Variants in ELF5 observed in about 807,000 individuals in gnomAD.
ELF5 encodes ETS-related transcription factor Elf-5.
ELF5 carries 31 observed loss-of-function variants against 38.2 expected under a neutral mutation model. That is an observed-to-expected ratio of 0.81 (90% CI 0.61 to 1.10). ELF5 has a LOEUF of 1.10. Among genes scored for constraint, ELF5 ranks in the 50% least tolerant of loss-of-function variants. The pLI is 0.00. For missense variants in ELF5, 300 were observed against 306.6 expected (o/e 0.98, Z 0.16); for synonymous variants, 121 against 112.5 (o/e 1.08, Z -0.48).
chr11:34,501,638 G>C (rs1175409031), intron 2 of ELF5, among the ~76,000 whole-genome samples: 1 of 152,022 alleles, frequency 6.6e-6, no homozygotes, highest in East Asian at 1.9e-4. Context: ...TCTTTACTTT[G>C]AAAAAGCCAC....
At chr11:34,482,001 AT>A (rs1387483848) in intron 5 of ELF5, among the ~76,000 whole-genome samples, 1 of 152,160 alleles carries the variant, frequency 6.6e-6, no homozygotes, top group Admixed American at 6.5e-5. Context: ...AGCTAATAGG[AT>A]TGCCAATTCC....
chr11:34,512,031 T>C (rs893315914), intron 1 of ELF5, among the ~76,000 whole-genome samples: 5 of 152,160 alleles, frequency 3.3e-5, no homozygotes, highest in Admixed American at 3.3e-4. Flanking sequence ...GGGAAGAAAA[T>C]CGGTTTTCCT....
chr11:34,495,407 G>GTGC (rs1019839459), intron 2 of ELF5, among the ~76,000 whole-genome samples: 2 of 152,244 alleles, frequency 1.3e-5, no homozygotes, highest in Admixed American at 6.5e-5. Flanking sequence ...TGCCTGTCAG[G>GTGC]TGCTACTACT....
At position 34,479,376 on chromosome 11, in the gene ELF5, T is replaced by G. The variant is rs2133865888; in HGVS notation, c.*842A>C. Reference sequence around the variant, plus strand: ...TGCATATCAGATGCCAGCCATCAGTTAGAAGGGGGAATAAACTCAGCAACA... The same window carrying G: ...TGCATATCAGATGCCAGCCATCAGTGAGAAGGGGGAATAAACTCAGCAACA... On this transcript the variant is annotated 3_prime_UTR_variant, in exon 7 of 7. Transcript: ENST00000257832. 1 of 152,334 alleles carries G rather than the reference T, an allele frequency of 6.6e-6. No homozygotes were observed. The highest frequency in any genetic ancestry group is 2.4e-5 in the African/African-American group (1 of 41,576). 9.4% of individuals were successfully genotyped at this position (152,334 alleles called of 1,614,324 possible).
chr11:34,481,011 AAATT>A (rs747114471), intron 5 of ELF5, 44 bp from the exon 6 acceptor site: 55 of 1,355,110 alleles, frequency 4.1e-5, no homozygotes, highest in African/African-American at 2.4e-4. Flanking sequence ...ATTGTTTTTT[AAATT>A]AATTAATTAA....
intron 2 of ELF5, among the ~76,000 whole-genome samples, chr11:34,501,026 C>G (rs1388681764): frequency 6.6e-6 from 1 of 152,154 alleles, no homozygotes; most frequent in Admixed American, 6.5e-5. Flanking sequence ...GCTATGAAGT[C>G]CTCTGTCATG....
Position 34,493,786 on chromosome 11 carries a change from CA to C in ELF5, c.122-75del, listed in dbSNP as rs1232045825. ...TCGAGAGGGCCCCTGAAGGATGCAT[CA>C]GTTAAGTAACATCCTCATTCCTCAG... is the stretch of plus-strand genomic sequence containing the variant. On this transcript the variant is annotated intron_variant, in intron 2 of 6. Transcript: ENST00000257832. The C allele has an allele frequency of 1.9e-5, 25 of 1,308,912 alleles. 1 individual carries two copies. The African/African-American group carries it at 3.6e-4, about 19-fold the overall frequency. 81.1% of individuals were successfully genotyped at this position (1,308,912 alleles called of 1,614,324 possible).
chr11:34,502,156 C>T (rs1443418138), intron 2 of ELF5, among the ~76,000 whole-genome samples: 2 of 152,214 alleles, frequency 1.3e-5, no homozygotes, highest in Non-Finnish European at 2.9e-5. Flanking sequence ...CATTCAATCT[C>T]CCCAACTCCA....
chr11:34,479,482 C>T lies in ELF5; in HGVS notation c.*736G>A, dbSNP rs1856875317. On this transcript the variant is annotated 3_prime_UTR_variant, in exon 7 of 7. Coordinates refer to ENST00000257832, the MANE Select transcript of ELF5 (RefSeq NM_001422.4). Reference sequence around the variant, plus strand: ...TTTGCTGAGTGGTCAAAAAGATGCTCTGGTTAGGAAACTTTCTGTGAACCT... The same window carrying T: ...TTTGCTGAGTGGTCAAAAAGATGCTTTGGTTAGGAAACTTTCTGTGAACCT... 6.6e-6 allele frequency: 1 copy of T among 152,222 alleles called. No homozygotes were observed. Among genetic ancestry groups the T allele is most frequent in the Admixed American group, 6.5e-5 (1 of 15,280 alleles). 9.4% of individuals were successfully genotyped at this position (152,222 alleles called of 1,614,324 possible). A position where few individuals can be genotyped will look rare whatever the true frequency, so the allele number is the denominator to read the frequency against.
chr11:34,511,518 C>A (rs1373654888), intron 1 of ELF5: 2 of 1,614,074 alleles, frequency 1.2e-6, no homozygotes, highest in East Asian at 4.5e-5. Context: ...GCTCACTTCA[C>A]ACATGAGAAA....
At chr11:34,510,624 C>T (rs983724974) in intron 1 of ELF5, among the ~76,000 whole-genome samples, 9 of 152,138 alleles carry the variant, frequency 5.9e-5, no homozygotes, top group Non-Finnish European at 1.2e-4. Flanking sequence ...TTAGGCCAGG[C>T]CTGCTCAAGG....
chr11:34,508,757 A>G (rs1272511582), intron 1 of ELF5, among the ~76,000 whole-genome samples: 1 of 152,132 alleles, frequency 6.6e-6, no homozygotes, highest in Non-Finnish European at 1.5e-5. Flanking sequence ...CGCCTCCACC[A>G]TTTTACAGTT....
At position 34,502,027 on chromosome 11, in the gene ELF5, T is replaced by G. The variant is rs183353862; in HGVS notation, c.121+3602A>C. Among the ~76,000 whole-genome samples, 58 of 152,178 alleles carry G rather than the reference T, an allele frequency of 3.8e-4. 1 individual carries two copies. The highest frequency in any genetic ancestry group is 1.4e-3 in the African/African-American group (57 of 41,492). On this transcript the variant is annotated intron_variant, in intron 2 of 6. Coordinates refer to ENST00000257832, the MANE Select transcript of ELF5 (RefSeq NM_001422.4). ...TGTTATTTTTGTTCAATATGGACAA[T>G]GAAGAGAGGAGAGGGAAGGCTGTTT...
intron 3 of ELF5, among the ~76,000 whole-genome samples, chr11:34,490,665 G>A (rs1480967902): frequency 6.6e-6 from 1 of 152,170 alleles, no homozygotes; most frequent in African/African-American, 2.4e-5. Context: ...TCTGTAGAAT[G>A]GGGTGGGCTG....
intron 1 of ELF5, chr11:34,511,721 G>T: frequency 1.1e-6 from 1 of 930,590 alleles, no homozygotes; most frequent in Non-Finnish European, 1.6e-6. Context: ...GCAATAACAG[G>T]TGTGGCTCCC....
intron 2 of ELF5, among the ~76,000 whole-genome samples, chr11:34,497,939 T>C (rs535812450): frequency 1.3e-5 from 2 of 152,358 alleles, no homozygotes; most frequent in Admixed American, 6.5e-5. Flanking sequence ...GATTCTTTTA[T>C]GGTTGAATAA....
rs115139163 is a variant in ELF5 at position 34,488,790 on chromosome 11, A to G, written c.406+1219T>C. On this transcript the variant is annotated intron_variant, in intron 4 of 6. Coordinates refer to ENST00000257832, the MANE Select transcript of ELF5 (RefSeq NM_001422.4). ...GGTTGGTCAGGTCTAGGTCACTACT[A>G]CTTAGAGAGTAAAGCAAATGCCTGC... Among the ~76,000 whole-genome samples, 776 of 152,316 alleles carry G rather than the reference A, an allele frequency of 5.1e-3. 7 individuals carry two copies. Among genetic ancestry groups the G allele is most frequent in the African/African-American group, 0.018 (739 of 41,566 alleles).
rs143807909 is a variant in ELF5 at position 34,482,997 on chromosome 11, A to G, written c.407-498T>C. On this transcript the variant is annotated intron_variant, in intron 4 of 6. Transcript: ENST00000257832. The stretch of plus-strand genomic sequence containing the variant: ...CCAGGACAAGCATTGCCAGAGTAGT[A>G]TATGAGTTTTTAAAATGGTGGCACC... Among the ~76,000 whole-genome samples, 157 of 152,158 alleles carry G rather than the reference A, an allele frequency of 1.0e-3. 1 individual carries two copies. The highest frequency in any genetic ancestry group is 4.9e-3 in the Admixed American group (75 of 15,292).
At chr11:34,491,095 T>C (rs1461090374) in intron 3 of ELF5, among the ~76,000 whole-genome samples, 1 of 152,194 alleles carries the variant, frequency 6.6e-6, no homozygotes, top group African/African-American at 2.4e-5. Context: ...TGTCCTGTTC[T>C]GCCAGAGTCA....
Sources: allele counts gnomAD v4.1 joint callset (sites outside exome capture counted in the v4.1 genomes callset), GRCh38; gene constraint gnomAD v4.1.1; transcripts MANE v1.5; gene names NCBI Gene and HGNC (gene_info 2026-07-23, HGNC 2026-07-21).